The following FRYL variants were observed in gnomAD, a reference collection of about 807,000 sequenced individuals.
FRYL encodes the protein protein furry homolog-like.
FRYL carries 150 observed loss-of-function variants against 351.2 expected under a neutral mutation model. The ratio of observed to expected loss-of-function variants is 0.43; its 90% CI spans 0.37 to 0.49. The LOEUF is 0.49. FRYL is among the 20% of genes least tolerant of loss of function. The pLI is 0.00. For synonymous variants in FRYL, 1,153 were observed against 1,257.1 expected, an observed-to-expected ratio of 0.92 and a Z score of 1.75; for missense variants, 3,036 against 3,619.3, an observed-to-expected ratio of 0.84 and a Z score of 4.13.
intron 24 of FRYL, among the ~76,000 whole-genome samples, chr4:48,575,614 A>T (rs1297967689): frequency 2.0e-5 from 3 of 152,234 alleles, no homozygotes; most frequent in Admixed American, 6.5e-5. Flanking sequence ...TGTCATTTTC[A>T]TGAAAACTAA....
At chr4:48,628,780 C>G (rs1273914644) in intron 4 of FRYL, among the ~76,000 whole-genome samples, 1 of 151,872 alleles carries the variant, frequency 6.6e-6, no homozygotes, top group Admixed American at 6.6e-5. Context: ...CCTATGTACT[C>G]CCATGAGATC....
intron 9 of FRYL, among the ~76,000 whole-genome samples, chr4:48,607,447 C>G (rs1285947069): frequency 6.6e-6 from 1 of 151,980 alleles, no homozygotes; most frequent in Admixed American, 6.6e-5. Context: ...TGACTATATT[C>G]TTTAGCACTT....
intron 33 of FRYL, among the ~76,000 whole-genome samples, chr4:48,559,677 G>C (rs1365613614): frequency 8.8e-6 from 1 of 113,820 alleles, no homozygotes; most frequent in African/African-American, 3.3e-5. Context: ...AGAGGAAGAG[G>C]GGGAGGGGGA....
intron 1 of FRYL, among the ~76,000 whole-genome samples, chr4:48,779,581 C>T (rs1162621911): frequency 1.3e-5 from 2 of 152,028 alleles, no homozygotes; most frequent in African/African-American, 4.8e-5. Flanking sequence ...CTCAGCCCTC[C>T]CTTCCCAGCC....
chr4:48,562,784 A>C (rs1199638674), intron 32 of FRYL, 105 bp downstream of exon 32: 2 of 671,656 alleles, frequency 3.0e-6, no homozygotes, highest in African/African-American at 3.7e-5. Flanking sequence ...CTTTACTATA[A>C]ATAAAGCTAA....
At chr4:48,581,713 T>G in intron 20 of FRYL, 108 bp from the exon 21 acceptor site, 1 of 857,430 alleles carries the variant, frequency 1.2e-6, no homozygotes, top group Non-Finnish European at 1.8e-6. Context: ...ACTACCGGTC[T>G]GCCTCAGCTC....
chr4:48,551,549 C>G lies in FRYL; in HGVS notation c.4465G>C (p.Ala1489Pro), dbSNP rs759600855. The G allele has an allele frequency of 5.0e-6, 8 of 1,611,398 alleles. No individual in the cohort carries two copies. The South Asian group carries it at 8.8e-5, about 18-fold the overall frequency. Residue 1489 changes from alanine (A) to proline (P), a missense_variant, in exon 37 of 64, where the codon GCT becomes CCT. Physicochemically the swap from Ala to Pro is conservative, Grantham distance 27. Around this residue, in one of 7 missense-constraint regions of FRYL, gnomAD observed 1,987 missense variants for 2,311.7 expected, o/e 0.86. Transcript: ENST00000358350. ...TTATCAGGATTGCCATCTGTGGGAG[C>G]TACCATTGTATTGCTACTGGAAGTA... is the stretch of plus-strand genomic sequence containing the variant. ...GTTSSSNTMVAPTDGNPDNKP... is the reference protein window; with the variant it reads ...GTTSSSNTMVPPTDGNPDNKP...
At chr4:48,607,724 G>A (rs1194745195) in intron 9 of FRYL, among the ~76,000 whole-genome samples, 2 of 152,062 alleles carry the variant, frequency 1.3e-5, no homozygotes, top group African/African-American at 2.4e-5. Flanking sequence ...TTACATGCAT[G>A]AGCAGAAAAC....
rs753932932 is a variant in FRYL at position 48,581,552 on chromosome 4, A to G, written c.2040T>C (p.Tyr680=). The change falls in exon 21 of 64, where the codon TAT becomes TAC. Residue 680 remains tyrosine, a synonymous_variant. Coordinates refer to ENST00000358350, the MANE Select transcript of FRYL (RefSeq NM_015030.2). ...SHPPPLERSP[Y]SNVFHVVEGF... The stretch of plus-strand genomic sequence containing the variant: ...CTTCAACCACATGGAATACATTGGA[A>G]TATGGGCTCCTTTCCAGAGGAGGGG... 4 of 1,613,824 alleles carry G rather than the reference A, an allele frequency of 2.5e-6. No individual in the cohort carries two copies. The highest frequency in any genetic ancestry group is 3.4e-6 in the Non-Finnish European group (4 of 1,179,852).
At chr4:48,720,257 C>T (rs1025770926) in intron 1 of FRYL, among the ~76,000 whole-genome samples, 19 of 151,576 alleles carry the variant, frequency 1.3e-4, no homozygotes, top group African/African-American at 4.1e-4. Context: ...CAGCACTTTG[C>T]GAGGCCGAGG....
At chr4:48,767,264 G>C (rs1775058163) in intron 1 of FRYL, among the ~76,000 whole-genome samples, 1 of 151,958 alleles carries the variant, frequency 6.6e-6, no homozygotes, top group African/African-American at 2.4e-5. Flanking sequence ...GAGGGAAGGG[G>C]GATGTGCTAC....
intron 6 of FRYL, among the ~76,000 whole-genome samples, chr4:48,620,414 T>C (rs1750421402): frequency 6.6e-6 from 1 of 152,350 alleles, no homozygotes; most frequent in East Asian, 1.9e-4. Flanking sequence ...TTTTGCATGA[T>C]ACCCAGTATG....
intron 1 of FRYL, among the ~76,000 whole-genome samples, chr4:48,755,169 C>T (rs969970901): frequency 1.3e-5 from 2 of 152,146 alleles, no homozygotes; most frequent in Non-Finnish European, 2.9e-5. Context: ...TATATTCAGT[C>T]ACATCTCCCT....
intron 60 of FRYL, 90 bp from the exon 61 acceptor site, chr4:48,502,935 G>A: frequency 1.0e-6 from 1 of 959,382 alleles, no homozygotes; most frequent in African/African-American, 1.6e-5. Flanking sequence ...TAGGGTCACA[G>A]ATGTTCCAGG....
chr4:48,566,253 G>C (rs1310824904), intron 28 of FRYL, among the ~76,000 whole-genome samples: 3 of 152,178 alleles, frequency 2.0e-5, no homozygotes, highest in African/African-American at 7.2e-5. Flanking sequence ...GATGGCATCA[G>C]AGAACCTCAG....
chr4:48,634,185 C>A, intron 4 of FRYL, 106 bp downstream of exon 4: 1 of 838,560 alleles, frequency 1.2e-6, no homozygotes, highest in East Asian at 2.5e-5. Context: ...ACCACTATCC[C>A]TTAATATTTT....
chr4:48,595,706 GA>G lies in FRYL; in HGVS notation c.1140-9del. The G allele has an allele frequency of 6.4e-7, 1 of 1,572,938 alleles. No individual in the cohort carries two copies. The highest frequency in any genetic ancestry group is 8.7e-7 in the Non-Finnish European group (1 of 1,147,790). Reference sequence around the variant, plus strand: ...ACTATGCTCATAAGACGACTACAGGGAAAAAGATCTAGTCATAGTGAGATCA... The same window carrying G: ...ACTATGCTCATAAGACGACTACAGGGAAAAGATCTAGTCATAGTGAGATCA... On this transcript the variant is annotated splice_polypyrimidine_tract_variant and intron_variant, in intron 14 of 63. Transcript: ENST00000358350.
chr4:48,722,505 T>C (rs1769598417), intron 1 of FRYL, among the ~76,000 whole-genome samples: 1 of 152,240 alleles, frequency 6.6e-6, no homozygotes, highest in Non-Finnish European at 1.5e-5. Flanking sequence ...AAATCTGAAA[T>C]GTTATGATGA....
chr4:48,635,892 C>T (rs933181919), intron 3 of FRYL, among the ~76,000 whole-genome samples: 1 of 151,996 alleles, frequency 6.6e-6, no homozygotes, highest in African/African-American at 2.4e-5. Context: ...TCTATGTGCA[C>T]ATAACTATAG....
Sources: allele counts gnomAD v4.1 joint callset (sites outside exome capture counted in the v4.1 genomes callset), GRCh38; gene constraint gnomAD v4.1.1; regional missense constraint gnomAD v4.1.1; transcripts MANE v1.5; gene names NCBI Gene and HGNC (gene_info 2026-07-23, HGNC 2026-07-21).